The following ZC3HAV1 variants were observed in gnomAD, a reference collection of about 807,000 sequenced individuals.
ZC3HAV1 encodes zinc finger CCCH-type containing, antiviral 1.
A neutral mutation model predicts 86.6 loss-of-function variants in ZC3HAV1; 41 were observed. The ratio of observed to expected loss-of-function variants is 0.47; its 90% CI spans 0.37 to 0.61. ZC3HAV1 has a LOEUF of 0.61. Ranked by LOEUF, ZC3HAV1 falls within the 20% of genes least tolerant of loss-of-function variation. ZC3HAV1 has a pLI of 0.00. For synonymous variants in ZC3HAV1, 421 were observed against 432.1 expected (o/e 0.97, Z 0.32); for missense variants, 964 against 1,141.1 (o/e 0.84, Z 2.24).
At chr7:139,098,670 A>G (rs1817674379) in intron 1 of ZC3HAV1, among the ~76,000 whole-genome samples, 2 of 152,186 alleles carry the variant, frequency 1.3e-5, no homozygotes, top group East Asian at 3.8e-4. Flanking sequence ...ATACAAAATA[A>G]TACATAAAAA....
At chr7:139,053,943 A>G (rs766475912) in intron 11 of ZC3HAV1, 22 bp downstream of exon 11, 151 of 1,594,110 alleles carry the variant, frequency 9.5e-5, no homozygotes, top group Non-Finnish European at 1.2e-4. Context: ...ATGTAAAGAA[A>G]CACGATAACG....
chr7:139,047,469 C>A lies in ZC3HAV1; in HGVS notation c.*125G>T. 2.2e-6 allele frequency: 3 copies of A among 1,377,080 alleles called. No homozygotes were observed. The highest frequency in any genetic ancestry group is 3.0e-6 in the Non-Finnish European group (3 of 1,009,584). 85.3% of individuals were successfully genotyped at this position (1,377,080 alleles called of 1,614,324 possible). A position where few individuals can be genotyped will look rare whatever the true frequency, so the allele number is the denominator to read the frequency against. ...CTAATATGTAGCAAAATTTGGGGAC[C>A]ACTGATCTAAGACATTAGATAACTG... On this transcript the variant is annotated 3_prime_UTR_variant, in exon 13 of 13. Transcript: ENST00000242351.
intron 7 of ZC3HAV1, among the ~76,000 whole-genome samples, chr7:139,066,158 C>A (rs1012347953): frequency 6.6e-6 from 1 of 152,100 alleles, no homozygotes; most frequent in African/African-American, 2.4e-5. Context: ...GGTGAGGAGA[C>A]TCTTGTTTCC....
At position 139,073,913 on chromosome 7, in the gene ZC3HAV1, G is replaced by A. The variant is rs765347131; in HGVS notation, c.1815C>T (p.Thr605=). 2 of 1,614,002 alleles carry A rather than the reference G, an allele frequency of 1.2e-6. No individual in the cohort carries two copies. The highest frequency in any genetic ancestry group is 1.1e-5 in the South Asian group (1 of 91,070). ...CATTCTTCCAATACCAAATCCATTT[G>A]GTGGTGAAGACAGAATTGGCTGGCT... ...VTKPANSVFT[T]KWIWYWKNES... Residue 605 remains threonine (T), a synonymous_variant, in exon 7 of 13, where the codon ACC becomes ACT. Coordinates refer to ENST00000242351, the MANE Select transcript of ZC3HAV1 (RefSeq NM_020119.4).
chr7:139,089,056 C>T (rs932938946), intron 2 of ZC3HAV1, among the ~76,000 whole-genome samples: 1 of 132,320 alleles, frequency 7.6e-6, no homozygotes, highest in Non-Finnish European at 1.5e-5. Flanking sequence ...GAGCTAAGAT[C>T]GTGCCACTGC....
At chr7:139,080,716 C>T (rs1817104574) in intron 3 of ZC3HAV1, among the ~76,000 whole-genome samples, 1 of 152,174 alleles carries the variant, frequency 6.6e-6, no homozygotes, top group Non-Finnish European at 1.5e-5. Context: ...CAAAGTAGCC[C>T]CCAAACCCCA....
At chr7:139,080,793 G>A (rs1817105974) in intron 3 of ZC3HAV1, among the ~76,000 whole-genome samples, 1 of 152,166 alleles carries the variant, frequency 6.6e-6, no homozygotes, top group African/African-American at 2.4e-5. Context: ...GGGGTCAATG[G>A]AGAGATAGAT....
intron 1 of ZC3HAV1, among the ~76,000 whole-genome samples, chr7:139,096,585 C>T (rs1044386315): frequency 1.3e-5 from 2 of 151,990 alleles, no homozygotes; most frequent in Admixed American, 1.3e-4. Context: ...ACCTAGGATG[C>T]CAAAAGTTTC....
intron 5 of ZC3HAV1, among the ~76,000 whole-genome samples, chr7:139,078,063 A>T (rs1250240648): frequency 6.6e-6 from 1 of 151,976 alleles, no homozygotes; most frequent in Non-Finnish European, 1.5e-5. Flanking sequence ...ACATGCAAAA[A>T]CTCCGTCTCT....
chr7:139,094,317 A>G (rs1817516887), intron 1 of ZC3HAV1, among the ~76,000 whole-genome samples: 1 of 152,142 alleles, frequency 6.6e-6, no homozygotes, highest in Non-Finnish European at 1.5e-5. Flanking sequence ...AAAGGACAAC[A>G]GGTCCTACAG....
At chr7:139,098,903 C>T (rs773936399) in intron 1 of ZC3HAV1, among the ~76,000 whole-genome samples, 3 of 151,938 alleles carry the variant, frequency 2.0e-5, no homozygotes, top group Admixed American at 1.3e-4. Flanking sequence ...AGGAAAAGCT[C>T]GCAGATACCT....
rs1237610593 is a variant in ZC3HAV1, at chr7:139,080,146, T to C, written c.795A>G (p.Ser265=). 3.7e-6 allele frequency: 6 copies of C among 1,614,174 alleles called. No individual in the cohort carries two copies. Among genetic ancestry groups the C allele is most frequent in the Non-Finnish European group, 4.2e-6 (5 of 1,180,026 alleles). The change falls in exon 4 of 13, where the codon TCA becomes TCG. Residue 265 remains serine (S), a synonymous_variant. Transcript: ENST00000242351. ...GTGTGCAGGACCTCTCAGCAGACGCTGAAGCAGACGCAAGAAATTCTTGGC... is the reference window on the plus strand; with the variant it reads ...GTGTGCAGGACCTCTCAGCAGACGCCGAAGCAGACGCAAGAAATTCTTGGC... ...QGSQEFLASA[S]ASAERSCTPS...
chr7:139,052,205 C>T (rs1433478588), intron 12 of ZC3HAV1, among the ~76,000 whole-genome samples: 8 of 150,740 alleles, frequency 5.3e-5, no homozygotes, highest in African/African-American at 1.7e-4. Context: ...TGTGTACCTG[C>T]GCCATGTTGG....
At position 139,045,966 on chromosome 7, in the gene ZC3HAV1, G is replaced by A. The variant is rs1815945729; in HGVS notation, c.*1628C>T. 7.8e-6 allele frequency: 1 copy of A among 129,028 alleles called. No individual in the cohort carries two copies. The allele number at this position is 129,028 out of a possible 1,614,324, so 8.0% of individuals were successfully genotyped here. A position where few individuals can be genotyped will look rare whatever the true frequency, so the allele number is the denominator to read the frequency against. The stretch of plus-strand genomic sequence containing the variant: ...GCTGTTTAAGCCAAGGAGTTGTGGA[G>A]ATCTCTGTGATGATCCAAAATCTGA... On this transcript the variant is annotated 3_prime_UTR_variant, in exon 13 of 13. Transcript: ENST00000242351.
rs553889372 is a variant in ZC3HAV1, at chr7:139,090,903, C to G, written c.309-1144G>C. Among the ~76,000 whole-genome samples, 6 of 152,216 alleles carry G rather than the reference C, an allele frequency of 3.9e-5. No individual in the cohort carries two copies. In the East Asian group the frequency reaches 1.2e-3, roughly 29 times the overall value. ...CAACCAGGAGCCGAGACCTTGAAAC[C>G]CGGCCAGCCATCCGTGTACCTTGCC... On this transcript the variant is annotated intron_variant, in intron 1 of 12. Coordinates refer to ENST00000242351, the MANE Select transcript of ZC3HAV1 (RefSeq NM_020119.4).
chr7:139,067,853 C>A (rs1816651340), intron 7 of ZC3HAV1, among the ~76,000 whole-genome samples: 1 of 151,872 alleles, frequency 6.6e-6, no homozygotes, highest in Non-Finnish European at 1.5e-5. Flanking sequence ...TTAGACGAGT[C>A]ATAAATTATG....
intron 7 of ZC3HAV1, among the ~76,000 whole-genome samples, chr7:139,072,678 C>A (rs531818365): frequency 3.3e-5 from 5 of 152,170 alleles, no homozygotes; most frequent in Admixed American, 2.6e-4. Context: ...ACTATGCCCC[C>A]ACTATGGGTC....
chr7:139,076,276 A>AC lies in ZC3HAV1; in HGVS notation c.1697+9dup. 1 of 1,614,150 alleles carries AC rather than the reference A, an allele frequency of 6.2e-7. No individual in the cohort carries two copies. The highest frequency in any genetic ancestry group is 1.3e-5 in the African/African-American group (1 of 75,056). ...GACTCTTGAAAGCCAGAGTACAGCC[A>AC]CCAACTTACAGGTGGATTCCGGGGT... On this transcript the variant is annotated intron_variant, in intron 6 of 12. Transcript: ENST00000242351.
chr7:139,048,835 A>C (rs1274069642), intron 12 of ZC3HAV1, among the ~76,000 whole-genome samples: 1 of 152,122 alleles, frequency 6.6e-6, no homozygotes, highest in Non-Finnish European at 1.5e-5. Context: ...GTCAGATACT[A>C]GATATTCTGT....
Sources: allele counts gnomAD v4.1 joint callset (sites outside exome capture counted in the v4.1 genomes callset), GRCh38; gene constraint gnomAD v4.1.1; transcripts MANE v1.5; gene names NCBI Gene and HGNC (gene_info 2026-07-23, HGNC 2026-07-21).